The following AKAP13 variants were observed in gnomAD, a reference collection of about 807,000 sequenced individuals.
AKAP13 encodes A-kinase anchoring protein 13.
Under a neutral mutation model 264.5 loss-of-function variants are expected in AKAP13, and 80 were observed. The ratio of observed to expected loss-of-function variants is 0.30; its 90% CI spans 0.25 to 0.36. The LOEUF (loss-of-function observed/expected upper bound fraction) is 0.36, where lower values mean the gene tolerates loss of function less well. AKAP13 is among the 10% of genes least tolerant of loss of function. The probability of loss-of-function intolerance (pLI) is 1.00; values close to 1 mark genes in which losing one functional copy is unlikely to be tolerated. For missense variants in AKAP13, 3,712 were observed against 3,435.2 expected, an observed-to-expected ratio of 1.08 and a Z score of -2.01; for synonymous variants, 1,380 against 1,250.2, an observed-to-expected ratio of 1.10 and a Z score of -2.19.
chr15:85,665,497 T>C lies in AKAP13; in HGVS notation c.4992+742T>C, dbSNP rs529643495. On this transcript the variant is annotated intron_variant, in intron 13 of 36. Coordinates refer to ENST00000394518, the MANE Select transcript of AKAP13 (RefSeq NM_007200.5). ...CCAGGAAATGTCAGTTGATTCTCTC[T>C]CCTTCCCATCCCTACCAGAATTCTT... 2.0e-5 allele frequency among the ~76,000 whole-genome samples: 3 copies of C among 152,342 alleles called. No individual in the cohort carries two copies. In the South Asian group the frequency reaches 6.2e-4, roughly 32 times the overall value.
intron 7 of AKAP13, among the ~76,000 whole-genome samples, chr15:85,582,651 G>GT (rs143469130): frequency 0.15 from 21,483 of 147,960 alleles, 2,064 homozygotes; most frequent in Non-Finnish European, 0.22. Flanking sequence ...GTCATTGGTG[G>GT]TTTTTTGTTT....
chr15:85,480,375 C>T (rs151202718), intron 1 of AKAP13, among the ~76,000 whole-genome samples: 124 of 152,298 alleles, frequency 8.1e-4, no homozygotes, highest in African/African-American at 2.8e-3. Context: ...GCATTGGCTT[C>T]TGCTATGTGC....
At chr15:85,504,955 T>C (rs2076169274) in intron 2 of AKAP13, among the ~76,000 whole-genome samples, 1 of 151,984 alleles carries the variant, frequency 6.6e-6, no homozygotes, top group South Asian at 2.1e-4. Flanking sequence ...TCTCTCCCTC[T>C]CTTTTGCTCT....
intron 1 of AKAP13, among the ~76,000 whole-genome samples, chr15:85,382,443 A>G (rs2070331073): frequency 1.3e-5 from 2 of 152,196 alleles, no homozygotes; most frequent in African/African-American, 4.8e-5. Context: ...TAGGATTCAC[A>G]GTACTCGCTC....
chr15:85,598,077 C>G (rs951772576), intron 8 of AKAP13, among the ~76,000 whole-genome samples: 6 of 152,110 alleles, frequency 3.9e-5, no homozygotes, highest in Admixed American at 2.0e-4. Flanking sequence ...TTTTTGACAT[C>G]ATTAATTTCT....
chr15:85,581,210 C>T lies in AKAP13; in HGVS notation c.3142C>T (p.Pro1048Ser), dbSNP rs765976240. 7 of 1,614,030 alleles carry T rather than the reference C, an allele frequency of 4.3e-6. 1 individual carries two copies. The Admixed American group carries it at 1.2e-4, about 27-fold the overall frequency. ...CTCCGCTCTGTTGCCATGTCTGTTG[C>T]CAGATGGGTCTGATGGGTCCGATGC... Reference protein sequence around the residue: ...NSSALLPCLLPDGSDGSDALN... With the variant: ...NSSALLPCLLSDGSDGSDALN... Residue 1048 changes from proline to serine, a missense_variant, in exon 7 of 37, where the codon CCA becomes TCA. This residue lies in a region of AKAP13 where 2,759 missense variants were observed against 2,411.7 expected (regional missense o/e 1.14). Coordinates refer to ENST00000394518, the MANE Select transcript of AKAP13 (RefSeq NM_007200.5).
At chr15:85,740,903 TTTATGA>T in intron 34 of AKAP13, 137 bp from the exon 35 acceptor site, 1 of 1,389,596 alleles carries the variant, frequency 7.2e-7, no homozygotes, top group South Asian at 1.5e-5. Context: ...CTGGAGCATT[TTTATGA>T]GACGGGCTTG....
chr15:85,506,080 T>G (rs368916057), intron 2 of AKAP13, among the ~76,000 whole-genome samples: 7 of 152,148 alleles, frequency 4.6e-5, no homozygotes, highest in African/African-American at 1.7e-4. Flanking sequence ...GCGGATCACT[T>G]GAGGTCAGGA....
intron 1 of AKAP13, among the ~76,000 whole-genome samples, chr15:85,458,939 T>A (rs1008648640): frequency 2.0e-5 from 3 of 152,214 alleles, no homozygotes; most frequent in Non-Finnish European, 4.4e-5. Context: ...CTTAGTGTGT[T>A]GCATTGAGTC....
At position 85,641,469 on chromosome 15, in the gene AKAP13, TAAA is replaced by T. The variant is rs2082306044; in HGVS notation, c.4237+2021_4237+2023del. Among the ~76,000 whole-genome samples the T allele has an allele frequency of 1.4e-4, 18 of 127,022 alleles. 1 individual carries two copies. The highest frequency in any genetic ancestry group is 5.1e-4 in the African/African-American group (16 of 31,306). 83.3% of individuals were successfully genotyped at this position (127,022 alleles called of 152,430 possible). On this transcript the variant is annotated intron_variant, in intron 9 of 36. Coordinates refer to ENST00000394518, the MANE Select transcript of AKAP13 (RefSeq NM_007200.5). The stretch of plus-strand genomic sequence containing the variant: ...TCAAATAAATAAATAAATAAATAAA[TAAA>T]TAAATAAATAAATAAATAAATAAAT...
intron 4 of AKAP13, chr15:85,535,088 AC>A (rs2151194122): frequency 6.6e-6 from 1 of 152,334 alleles, no homozygotes; most frequent in South Asian, 2.1e-4. Context: ...TGTAGAGTCC[AC>A]CCAGCCTTGA....
chr15:85,577,970 T>G, intron 6 of AKAP13: 2 of 255,252 alleles, frequency 7.8e-6, no homozygotes, highest in Non-Finnish European at 1.2e-5. Flanking sequence ...GTAAGTAGAC[T>G]CTGCCCTTCT....
At chr15:85,438,577 G>C (rs1485221396) in intron 1 of AKAP13, among the ~76,000 whole-genome samples, 2 of 145,040 alleles carry the variant, frequency 1.4e-5, no homozygotes, top group South Asian at 2.2e-4. Flanking sequence ...ATACTACAAG[G>C]CTACAGTAAC....
At chr15:85,610,679 C>T (rs1031202797) in intron 8 of AKAP13, among the ~76,000 whole-genome samples, 3 of 152,192 alleles carry the variant, frequency 2.0e-5, no homozygotes, top group African/African-American at 2.4e-5. Flanking sequence ...AGTTAGTATA[C>T]AGATAGAGCT....
intron 1 of AKAP13, among the ~76,000 whole-genome samples, chr15:85,421,988 T>C (rs11634078): frequency 0.25 from 38,555 of 152,166 alleles, 6,455 homozygotes; most frequent in Non-Finnish European, 0.37. Flanking sequence ...AAGTAGGTGC[T>C]TCAGTATATG....
At chr15:85,423,905 A>G (rs1298903383) in intron 1 of AKAP13, among the ~76,000 whole-genome samples, 1 of 152,220 alleles carries the variant, frequency 6.6e-6, no homozygotes, top group Non-Finnish European at 1.5e-5. Context: ...GTTCATCTCC[A>G]TCATAGCTCT....
At chr15:85,527,154 G>A (rs531715698) in intron 3 of AKAP13, among the ~76,000 whole-genome samples, 62 of 152,098 alleles carry the variant, frequency 4.1e-4, no homozygotes, top group African/African-American at 1.3e-3. Flanking sequence ...TAGTAGAGAC[G>A]GGGTTTCACC....
chr15:85,543,056 C>G (rs1337843418), intron 4 of AKAP13, among the ~76,000 whole-genome samples: 1 of 152,198 alleles, frequency 6.6e-6, no homozygotes, highest in Non-Finnish European at 1.5e-5. Context: ...GAGTGACTCA[C>G]TTTACTAAGA....
At chr15:85,442,490 AAT>A (rs552607636) in intron 1 of AKAP13, among the ~76,000 whole-genome samples, 13 of 110,456 alleles carry the variant, frequency 1.2e-4, no homozygotes, top group African/African-American at 3.9e-4. Flanking sequence ...TAATATATAT[AAT>A]ATATATTATA....
Sources: allele counts gnomAD v4.1 joint callset (sites outside exome capture counted in the v4.1 genomes callset), GRCh38; gene constraint gnomAD v4.1.1; regional missense constraint gnomAD v4.1.1; transcripts MANE v1.5; gene names NCBI Gene and HGNC (gene_info 2026-07-23, HGNC 2026-07-21).